Variants in TRDN observed in about 807,000 individuals in gnomAD.
The protein encoded by TRDN is triadin in skeletal muscle.
TRDN carries 161 observed loss-of-function variants against 149.7 expected under a neutral mutation model. The observed-to-expected ratio is 1.08, with a 90% CI of 0.95 to 1.23. The LOEUF (loss-of-function observed/expected upper bound fraction) is 1.23, where lower values mean the gene tolerates loss of function less well. TRDN is among the 50% of genes most tolerant of loss of function. TRDN has a pLI of 0.00. For missense variants in TRDN, 896 were observed against 823.5 expected (o/e 1.09, Z -1.08); for synonymous variants, 294 against 250.5 (o/e 1.17, Z -1.64).
chr6:123,259,770 G>C, intron 34 of TRDN, 108 bp from the exon 35 acceptor site: 3 of 714,590 alleles, frequency 4.2e-6, no homozygotes, highest in Non-Finnish European at 6.6e-6. Flanking sequence ...TGAGTGGAGG[G>C]AGTCAGGGCT....
intron 8 of TRDN, among the ~76,000 whole-genome samples, chr6:123,501,395 TAACTCAACAGTTAGCTTAGTTGAG>T (rs1325216538): frequency 1.8e-5 from 1 of 55,670 alleles, no homozygotes; most frequent in African/African-American, 7.1e-5. Context: ...CCCAAAAAGC[TAACTCAACAGTTAGCTTAGTTGAG>T]CTAACTCAAC....
At chr6:123,476,999 G>T (rs1777516824) in intron 9 of TRDN, among the ~76,000 whole-genome samples, 2 of 109,156 alleles carry the variant, frequency 1.8e-5, no homozygotes, top group African/African-American at 3.7e-5. Flanking sequence ...CATAGGCATG[G>T]GCAAGGACTT....
At chr6:123,569,908 A>G (rs1365745636) in intron 2 of TRDN, among the ~76,000 whole-genome samples, 1 of 152,220 alleles carries the variant, frequency 6.6e-6, no homozygotes, top group Non-Finnish European at 1.5e-5. Context: ...CACATATCCA[A>G]ACTATATCAC....
chr6:123,519,801 A>G lies in TRDN; in HGVS notation c.485-3595T>C, dbSNP rs147871052. Among the ~76,000 whole-genome samples the G allele has an allele frequency of 1.4e-3, 219 of 151,410 alleles. 1 individual carries two copies. The highest frequency in any genetic ancestry group is 4.8e-3 in the African/African-American group (198 of 41,372). Reference sequence around the variant, plus strand: ...TTATTAACAGAAAAAATCTTTGAGGAGCATCATTACCTGTAATAAATTTTA... The same window carrying G: ...TTATTAACAGAAAAAATCTTTGAGGGGCATCATTACCTGTAATAAATTTTA... On this transcript the variant is annotated intron_variant, in intron 5 of 40. Coordinates refer to ENST00000334268, the MANE Select transcript of TRDN (RefSeq NM_006073.4).
At chr6:123,303,229 C>T (rs923362857) in intron 24 of TRDN, among the ~76,000 whole-genome samples, 2 of 152,072 alleles carry the variant, frequency 1.3e-5, no homozygotes, top group African/African-American at 4.8e-5. Context: ...AGAAAACTGC[C>T]TGTGCATGTG....
intron 24 of TRDN, among the ~76,000 whole-genome samples, chr6:123,303,125 C>T (rs1778488664): frequency 6.6e-6 from 1 of 152,068 alleles, no homozygotes; most frequent in South Asian, 2.1e-4. Flanking sequence ...TGTCAAATCA[C>T]TTAGAAGTTA....
intron 1 of TRDN, among the ~76,000 whole-genome samples, chr6:123,630,911 C>G (rs1179205716): frequency 6.6e-6 from 1 of 151,914 alleles, no homozygotes; most frequent in African/African-American, 2.4e-5. Context: ...GTTCATGACC[C>G]TTCTTTTGAG....
At chr6:123,519,481 T>G (rs1192825202) in intron 5 of TRDN, among the ~76,000 whole-genome samples, 2 of 59,204 alleles carry the variant, frequency 3.4e-5, no homozygotes, top group South Asian at 6.7e-4. Context: ...TGGTTTTTTT[T>G]TTTTTTTTTT....
chr6:123,320,415 A>G (rs539291121), intron 23 of TRDN, among the ~76,000 whole-genome samples: 93 of 152,160 alleles, frequency 6.1e-4, no homozygotes, highest in Admixed American at 6.0e-3. Flanking sequence ...GATAGTGCTT[A>G]GACTGTTCTT....
chr6:123,508,132 C>T (rs1235092614), intron 7 of TRDN, among the ~76,000 whole-genome samples: 2 of 152,120 alleles, frequency 1.3e-5, no homozygotes, highest in East Asian at 3.9e-4. Flanking sequence ...ATCTGCATGT[C>T]TAGAGCTCTT....
chr6:123,627,912 C>T (rs1368254143), intron 1 of TRDN, among the ~76,000 whole-genome samples: 2 of 152,152 alleles, frequency 1.3e-5, no homozygotes, highest in Non-Finnish European at 2.9e-5. Context: ...CTGCAGCTTC[C>T]TTACCTCTCC....
At chr6:123,317,299 A>G (rs1196471531) in intron 23 of TRDN, among the ~76,000 whole-genome samples, 1 of 151,892 alleles carries the variant, frequency 6.6e-6, no homozygotes, top group Non-Finnish European at 1.5e-5. Flanking sequence ...CAGGTACATT[A>G]CAGTTTTCCT....
chr6:123,411,444 G>C (rs897592796), intron 12 of TRDN, among the ~76,000 whole-genome samples: 1 of 152,098 alleles, frequency 6.6e-6, no homozygotes, highest in Non-Finnish European at 1.5e-5. Context: ...GCGAATAGAG[G>C]CTGAAGAGAA....
At chr6:123,255,842 A>AT (rs1418823521) in intron 36 of TRDN, 25 bp downstream of exon 36, 1 of 1,323,454 alleles carries the variant, frequency 7.6e-7, no homozygotes. Context: ...TTTGCATTCT[A>AT]TTTTTTATTC....
rs147933670 is a variant in TRDN at position 123,599,887 on chromosome 6, T to C, written c.23-28755A>G. ...TTCAGTTCTTTCAGGAAGCCATGGA[T>C]ATATGCCTCCGAGATGAGATAAATG... On this transcript the variant is annotated intron_variant, in intron 1 of 40. Coordinates refer to ENST00000334268, the MANE Select transcript of TRDN (RefSeq NM_006073.4). 1.2e-4 allele frequency among the ~76,000 whole-genome samples: 18 copies of C among 152,036 alleles called. No individual in the cohort carries two copies. The East Asian group carries it at 3.5e-3, about 29-fold the overall frequency.
intron 1 of TRDN, among the ~76,000 whole-genome samples, chr6:123,630,020 G>A (rs1295570265): frequency 1.3e-5 from 2 of 151,880 alleles, no homozygotes; most frequent in African/African-American, 4.8e-5. Context: ...ATTATCCAGG[G>A]CAGGTGGGAA....
intron 14 of TRDN, among the ~76,000 whole-genome samples, chr6:123,385,711 TG>T (rs1781885940): frequency 6.6e-6 from 1 of 152,194 alleles, no homozygotes; most frequent in Non-Finnish European, 1.5e-5. Context: ...AAATCTCATA[TG>T]GCTGGTTCTC....
intron 20 of TRDN, among the ~76,000 whole-genome samples, chr6:123,363,359 G>A (rs1780969984): frequency 6.6e-6 from 1 of 152,134 alleles, no homozygotes; most frequent in South Asian, 2.1e-4. Flanking sequence ...AGATGAACAA[G>A]TTACTTGACA....
At chr6:123,435,304 T>TC (rs1158725016) in intron 12 of TRDN, among the ~76,000 whole-genome samples, 1 of 151,986 alleles carries the variant, frequency 6.6e-6, no homozygotes, top group Non-Finnish European at 1.5e-5. Flanking sequence ...ATGACCTTTG[T>TC]CCCCCAGCTC....
Sources: allele counts gnomAD v4.1 joint callset (sites outside exome capture counted in the v4.1 genomes callset), GRCh38; gene constraint gnomAD v4.1.1; transcripts MANE v1.5; gene names NCBI Gene and HGNC (gene_info 2026-07-23, HGNC 2026-07-21).